The following SAMMSON variants were observed in gnomAD, a reference collection of about 807,000 sequenced individuals.
SAMMSON encodes the protein survival associated mitochondrial melanoma specific oncogenic non-coding RNA.
intron 4 of SAMMSON, among the ~76,000 whole-genome samples, chr3:70,131,846 G>A (rs1297460209): frequency 1.3e-5 from 2 of 152,074 alleles, no homozygotes; most frequent in African/African-American, 4.8e-5. Context: ...CCAAAGTGTT[G>A]GGATTACAGG....
intron 3 of SAMMSON, among the ~76,000 whole-genome samples, chr3:70,046,401 A>G (rs1484404412): frequency 6.6e-6 from 1 of 152,112 alleles, no homozygotes; most frequent in Non-Finnish European, 1.5e-5. Flanking sequence ...TAATCCATGA[A>G]TGCTGCATAT....
chr3:70,044,232 T>C (rs1184667346), intron 3 of SAMMSON, among the ~76,000 whole-genome samples: 1 of 152,070 alleles, frequency 6.6e-6, no homozygotes, highest in Admixed American at 6.6e-5. Flanking sequence ...GACTCATTAG[T>C]CTGAGCTCTG....
At position 70,154,176 on chromosome 3, in the gene SAMMSON, A is replaced by T. The variant is rs183028534; in HGVS notation, n.507+82611A>T. ...AAATCAGAAAAATGTATTAATCCTC[A>T]TAAACAAATCACTGTCCCATATCTT... is the stretch of plus-strand genomic sequence containing the variant. On this transcript the variant is annotated intron_variant and non_coding_transcript_variant, in intron 4 of 9. Coordinates refer to ENST00000642114, the Ensembl canonical transcript of SAMMSON. 1.7e-3 allele frequency among the ~76,000 whole-genome samples: 265 copies of T among 152,086 alleles called. 3 individuals are homozygous for T. Among genetic ancestry groups the T allele is most frequent in the African/African-American group, 6.1e-3 (255 of 41,516 alleles).
chr3:70,179,249 T>C (rs1701032305), intron 4 of SAMMSON, among the ~76,000 whole-genome samples: 2 of 152,220 alleles, frequency 1.3e-5, no homozygotes, highest in Non-Finnish European at 2.9e-5. Context: ...CTTTTTCCCC[T>C]TCTCACTTCT....
chr3:70,248,456 T>C (rs1170441253), intron 4 of SAMMSON, among the ~76,000 whole-genome samples: 1 of 151,856 alleles, frequency 6.6e-6, no homozygotes, highest in Non-Finnish European at 1.5e-5. Flanking sequence ...GGGTTCAGGG[T>C]AGAAAGAATG....
At chr3:70,309,482 C>G (rs1702436576) in intron 7 of SAMMSON, among the ~76,000 whole-genome samples, 1 of 152,082 alleles carries the variant, frequency 6.6e-6, no homozygotes, top group African/African-American at 2.4e-5. Context: ...CCCATAATCT[C>G]ATAAAGCAAG....
intron 4 of SAMMSON, chr3:70,071,603 T>C (rs1412351192): frequency 6.6e-6 from 1 of 152,046 alleles, no homozygotes; most frequent in African/African-American, 2.4e-5. Context: ...AGAACATACG[T>C]AATCAGATAC....
intron 6 of SAMMSON, among the ~76,000 whole-genome samples, chr3:70,251,918 A>T (rs572825255): frequency 4.6e-5 from 7 of 152,322 alleles, no homozygotes; most frequent in African/African-American, 1.7e-4. Context: ...GTTACACTGT[A>T]ATTATGGCAA....
chr3:70,246,851 A>G (rs953545088), intron 4 of SAMMSON, among the ~76,000 whole-genome samples: 1 of 152,038 alleles, frequency 6.6e-6, no homozygotes. Context: ...CAACCCTACC[A>G]TCTTAAATAT....
At chr3:70,174,982 A>G (rs1472865673) in intron 4 of SAMMSON, among the ~76,000 whole-genome samples, 1 of 152,114 alleles carries the variant, frequency 6.6e-6, no homozygotes, top group Non-Finnish European at 1.5e-5. Flanking sequence ...GCATCTTAAA[A>G]TCAATATGAA....
intron 7 of SAMMSON, among the ~76,000 whole-genome samples, chr3:70,326,176 CTTCT>C (rs1428046415): frequency 6.6e-6 from 1 of 151,902 alleles, no homozygotes; most frequent in Non-Finnish European, 1.5e-5. Flanking sequence ...CTTTCCCTTC[CTTCT>C]GCCATTCTTT....
At chr3:70,333,610 C>T in intron 7 of SAMMSON, among the ~76,000 whole-genome samples, 1 of 151,862 alleles carries the variant, frequency 6.6e-6, no homozygotes. Flanking sequence ...TATTTTTTTT[C>T]TTTTCACACT....
intron 8 of SAMMSON, among the ~76,000 whole-genome samples, chr3:70,357,157 A>T (rs1386955319): frequency 6.6e-6 from 1 of 152,138 alleles, no homozygotes; most frequent in East Asian, 1.9e-4. Flanking sequence ...AATGGATTTT[A>T]TGTACAAGGA....
intron 9 of SAMMSON, among the ~76,000 whole-genome samples, chr3:70,373,074 T>C (rs1409765517): frequency 6.6e-6 from 1 of 152,210 alleles, no homozygotes. Context: ...CATTTTACTT[T>C]ATTTGTTCTT....
intron 6 of SAMMSON, among the ~76,000 whole-genome samples, chr3:70,290,344 TGG>T (rs1302496010): frequency 1.3e-5 from 2 of 152,254 alleles, no homozygotes; most frequent in African/African-American, 4.8e-5. Flanking sequence ...GTGCCCCTGT[TGG>T]GGGGTGCCTC....
intron 4 of SAMMSON, among the ~76,000 whole-genome samples, chr3:70,231,719 G>C (rs1701561541): frequency 6.6e-6 from 1 of 152,144 alleles, no homozygotes; most frequent in Non-Finnish European, 1.5e-5. Context: ...ACGGAGAGAA[G>C]AAATGGGACA....
chr3:70,132,353 T>C (rs2067485987), intron 4 of SAMMSON, among the ~76,000 whole-genome samples: 1 of 152,156 alleles, frequency 6.6e-6, no homozygotes, highest in South Asian at 2.1e-4. Context: ...GCCCTAATTG[T>C]AATACATTTA....
rs1031300862 is a variant in SAMMSON at position 70,321,485 on chromosome 3, C to G, written n.739+30242C>G. ...ATACTACAATTTTGTCATCCATTCC[C>G]GTTAATGGATATTTGGGTGGTTTCC... On this transcript the variant is annotated intron_variant and non_coding_transcript_variant, in intron 7 of 9. Transcript: ENST00000642114. 3.9e-5 allele frequency among the ~76,000 whole-genome samples: 6 copies of G among 152,056 alleles called. No homozygotes were observed. The South Asian group carries it at 6.2e-4, about 16-fold the overall frequency.
rs1412213381 is a variant in SAMMSON at position 70,311,971 on chromosome 3, C to A, written n.739+20728C>A. The A allele has an allele frequency of 7.5e-6, 3 of 397,646 alleles. No homozygotes were observed. In the Admixed American group the frequency reaches 1.3e-4, roughly 18 times the overall value. 24.6% of individuals were successfully genotyped at this position (397,646 alleles called of 1,614,324 possible). A position where few individuals can be genotyped will look rare whatever the true frequency, so the allele number is the denominator to read the frequency against. On this transcript the variant is annotated intron_variant and non_coding_transcript_variant, in intron 7 of 9. Transcript: ENST00000642114. The stretch of plus-strand genomic sequence containing the variant: ...TTATCTTTTCCAGCTCAGTTTCTGA[C>A]ATCTAAGTGGAAACAGAATTTGTGA...
Sources: allele counts gnomAD v4.1 joint callset (sites outside exome capture counted in the v4.1 genomes callset), GRCh38; gene constraint gnomAD v4.1.1; transcripts MANE v1.5; gene names NCBI Gene and HGNC (gene_info 2026-07-23, HGNC 2026-07-21).